Variants in PPARGC1A observed in about 807,000 individuals in gnomAD.
The protein encoded by PPARGC1A is peroxisome proliferator-activated receptor gamma coactivator 1-alpha.
PPARGC1A carries 25 observed loss-of-function variants against 88.7 expected under a neutral mutation model. That is an observed-to-expected ratio of 0.28 (90% CI 0.21 to 0.39). PPARGC1A has a LOEUF of 0.39. PPARGC1A is among the 10% of genes least tolerant of loss of function. PPARGC1A has a pLI of 1.00. For synonymous variants in PPARGC1A, 363 were observed against 355.6 expected, an observed-to-expected ratio of 1.02 and a Z score of -0.24; for missense variants, 880 against 968.7, an observed-to-expected ratio of 0.91 and a Z score of 1.22.
chr4:24,281,279 G>C, the PPARGC1A span, among the ~76,000 whole-genome samples: 11 of 152,182 alleles, frequency 7.2e-5, no homozygotes. Flanking sequence ...AAAGAAAAGA[G>C]GTTTATTTGG....
the PPARGC1A span, among the ~76,000 whole-genome samples, chr4:24,109,021 A>ACAC: frequency 1.7e-4 from 22 of 132,560 alleles, no homozygotes; most frequent in African/African-American, 6.9e-4. Context: ...CACACACACC[A>ACAC]CACACACACA....
chr4:24,004,123 T>A, the PPARGC1A span, among the ~76,000 whole-genome samples: 1 of 152,162 alleles, frequency 6.6e-6, no homozygotes, highest in Non-Finnish European at 1.5e-5. Flanking sequence ...ATCGTTGGCT[T>A]GAGTCATCAT....
the PPARGC1A span, among the ~76,000 whole-genome samples, chr4:24,169,857 C>T: frequency 6.6e-6 from 1 of 152,062 alleles, no homozygotes; most frequent in Non-Finnish European, 1.5e-5. Flanking sequence ...AAGATAATCT[C>T]TCTCCAAAGC....
the PPARGC1A span, among the ~76,000 whole-genome samples, chr4:23,918,323 G>A: frequency 1.3e-5 from 2 of 151,906 alleles, no homozygotes; most frequent in South Asian, 4.2e-4. Context: ...CCAGGTTCAA[G>A]CAATTCTCCT....
chr4:24,472,727 C>T, the PPARGC1A span, among the ~76,000 whole-genome samples: 2 of 151,182 alleles, frequency 1.3e-5, no homozygotes, highest in Non-Finnish European at 3.0e-5. The surrounding 1 kb of genome is among the most constrained non-coding windows in gnomAD (Gnocchi z 4.5). Context: ...TAGGTTCGTC[C>T]TGACTTGGGC....
At chr4:24,027,527 C>A in the PPARGC1A span, among the ~76,000 whole-genome samples, 2 of 152,230 alleles carry the variant, frequency 1.3e-5, no homozygotes, top group East Asian at 3.9e-4. Context: ...TATTATCAGT[C>A]TTTTTTTCTG....
chr4:24,342,308 T>A, the PPARGC1A span, among the ~76,000 whole-genome samples: 1 of 152,152 alleles, frequency 6.6e-6, no homozygotes, highest in African/African-American at 2.4e-5. Flanking sequence ...AGCATACGTA[T>A]ATGTGTGGGT....
chr4:23,829,393 A>C (rs1204918787), intron 4 of PPARGC1A, 70 bp downstream of exon 4: 1 of 1,525,900 alleles, frequency 6.6e-7, no homozygotes, highest in Non-Finnish European at 9.0e-7. Context: ...CTACAAACTT[A>C]TTTGTTTTAC....
the PPARGC1A span, among the ~76,000 whole-genome samples, chr4:24,190,273 T>A: frequency 6.6e-6 from 1 of 152,340 alleles, no homozygotes; most frequent in South Asian, 2.1e-4. Context: ...CCCAGCACTT[T>A]GGGAGGCCGA....
chr4:24,073,996 G>A, the PPARGC1A span, among the ~76,000 whole-genome samples: 1 of 152,084 alleles, frequency 6.6e-6, no homozygotes, highest in Admixed American at 6.6e-5. Flanking sequence ...AGCGCCCAGT[G>A]TTCCTCCCCT....
At chr4:24,204,982 C>T in the PPARGC1A span, among the ~76,000 whole-genome samples, 1 of 152,214 alleles carries the variant, frequency 6.6e-6, no homozygotes, top group African/African-American at 2.4e-5. Context: ...CCACCACGCC[C>T]AGCTAATTGT....
At chr4:24,308,792 A>G in the PPARGC1A span, among the ~76,000 whole-genome samples, 1 of 152,176 alleles carries the variant, frequency 6.6e-6, no homozygotes, top group Non-Finnish European at 1.5e-5. Context: ...GCTAGTTTTC[A>G]TTTTACTTCC....
the PPARGC1A span, among the ~76,000 whole-genome samples, chr4:24,031,406 G>A: frequency 1.3e-5 from 2 of 152,148 alleles, no homozygotes; most frequent in Admixed American, 6.5e-5. Flanking sequence ...AAGCGATAGA[G>A]AGAATAGGAA....
At chr4:23,970,638 G>A in the PPARGC1A span, among the ~76,000 whole-genome samples, 1 of 152,296 alleles carries the variant, frequency 6.6e-6, no homozygotes, top group South Asian at 2.1e-4. Flanking sequence ...CATTCATGGA[G>A]TCATGCGCTA....
At chr4:23,897,451 C>T (rs987703364) in intron 1 of PPARGC1A, among the ~76,000 whole-genome samples, 5 of 152,134 alleles carry the variant, frequency 3.3e-5, no homozygotes, top group East Asian at 1.9e-4. Flanking sequence ...TACTGAGCCT[C>T]GGTTTCCTTA....
chr4:24,329,400 T>C, the PPARGC1A span, among the ~76,000 whole-genome samples: 19 of 152,112 alleles, frequency 1.2e-4, no homozygotes, highest in Non-Finnish European at 2.4e-4. Context: ...GATGGGGTCC[T>C]ACCTGCCTCT....
the PPARGC1A span, among the ~76,000 whole-genome samples, chr4:23,939,410 T>G: frequency 8.5e-5 from 13 of 152,348 alleles, no homozygotes; most frequent in African/African-American, 3.1e-4. Context: ...AAAATGTGTG[T>G]TTCACCTTAT....
the PPARGC1A span, among the ~76,000 whole-genome samples, chr4:23,927,335 T>C: frequency 6.6e-6 from 1 of 152,238 alleles, no homozygotes. Context: ...CAGGACTGTC[T>C]GCATATCCTA....
At chr4:24,027,196 A>AGTGTGT in the PPARGC1A span, among the ~76,000 whole-genome samples, 3,166 of 133,616 alleles carry the variant, frequency 0.024, 57 homozygotes, top group African/African-American at 0.036. Context: ...ACCTCAGGCT[A>AGTGTGT]GTGTGTGTGT....
Sources: allele counts gnomAD v4.1 joint callset (sites outside exome capture counted in the v4.1 genomes callset), GRCh38; gene constraint gnomAD v4.1.1; non-coding constraint Gnocchi (gnomAD v3.1); transcripts MANE v1.5; gene names NCBI Gene and HGNC (gene_info 2026-07-23, HGNC 2026-07-21).